The following AP1AR variants were observed in gnomAD, a reference collection of about 807,000 sequenced individuals.
AP1AR encodes AP-1 complex-associated regulatory protein.
Under a neutral mutation model 46.3 loss-of-function variants are expected in AP1AR, and 29 were observed. That is an observed-to-expected ratio of 0.63 (90% CI 0.47 to 0.85). The LOEUF (loss-of-function observed/expected upper bound fraction) is 0.85, where lower values mean the gene tolerates loss of function less well. AP1AR is among the 40% of genes least tolerant of loss of function. AP1AR has a pLI of 0.00. For missense variants in AP1AR, 357 were observed against 356.3 expected, an observed-to-expected ratio of 1.00 and a Z score of -0.02; for synonymous variants, 122 against 122.9, an observed-to-expected ratio of 0.99 and a Z score of 0.05.
rs1726913728 is a variant in AP1AR, at chr4:112,270,719, T to TTCC, written c.*2310_*2311insTCC. 6.6e-6 allele frequency among the ~76,000 whole-genome samples: 1 copy of TTCC among 152,080 alleles called. No individual in the cohort carries two copies. Among genetic ancestry groups the TTCC allele is most frequent in the South Asian group, 2.1e-4 (1 of 4,828 alleles). ...TAAAAAGACCACTGGGAATGAAGCATCATGAGTGAGGGGGAAGAGTGGTAT... is the reference window on the plus strand; with the variant it reads ...TAAAAAGACCACTGGGAATGAAGCATTCCCATGAGTGAGGGGGAAGAGTGGTAT... On this transcript the variant is annotated 3_prime_UTR_variant, in exon 10 of 10. Coordinates refer to ENST00000274000, the MANE Select transcript of AP1AR (RefSeq NM_018569.6).
rs1299309771 is a variant in AP1AR at position 112,272,259 on chromosome 4, CACAAAG to C, written c.*3853_*3858del. ...AGATATGAACAGGGCAGGACAGCGC[CACAAAG>C]ACTGTGAGGGCTGGTGACAGGGAAG... is the stretch of plus-strand genomic sequence containing the variant. On this transcript the variant is annotated 3_prime_UTR_variant, in exon 10 of 10. Transcript: ENST00000274000. Among the ~76,000 whole-genome samples the C allele has an allele frequency of 6.6e-6, 1 of 152,060 alleles. No homozygotes were observed. The highest frequency in any genetic ancestry group is 1.5e-5 in the Non-Finnish European group (1 of 68,028).
intron 6 of AP1AR, among the ~76,000 whole-genome samples, chr4:112,264,551 T>C (rs1726593217): frequency 6.6e-6 from 1 of 152,172 alleles, no homozygotes; most frequent in African/African-American, 2.4e-5. Flanking sequence ...ACAGTTCTTC[T>C]AAATCTTAGC....
intron 1 of AP1AR, among the ~76,000 whole-genome samples, chr4:112,240,533 G>T (rs1725446955): frequency 6.6e-6 from 1 of 152,244 alleles, no homozygotes; most frequent in South Asian, 2.1e-4. Context: ...TCTCAGTTAA[G>T]TGCCTAGTAC....
At chr4:112,263,164 T>G in intron 6 of AP1AR, 78 bp downstream of exon 6, 1 of 1,103,116 alleles carries the variant, frequency 9.1e-7, no homozygotes, top group Non-Finnish European at 1.3e-6. Context: ...TTGGGACTCT[T>G]TTTTTCCTAT....
At chr4:112,237,439 G>A (rs1211480314) in intron 1 of AP1AR, among the ~76,000 whole-genome samples, 11 of 149,954 alleles carry the variant, frequency 7.3e-5, no homozygotes, top group Admixed American at 6.7e-4. Flanking sequence ...TGCCTTTGTG[G>A]GTGATATTTA....
At chr4:112,239,222 T>C (rs1439720621) in intron 1 of AP1AR, among the ~76,000 whole-genome samples, 1 of 152,140 alleles carries the variant, frequency 6.6e-6, no homozygotes, top group African/African-American at 2.4e-5. Context: ...CTCCAACATC[T>C]CCCTCTAGCT....
At position 112,234,662 on chromosome 4, in the gene AP1AR, T is replaced by G. The variant is rs918865518; in HGVS notation, c.83+2488T>G. Among the ~76,000 whole-genome samples, 280 of 151,400 alleles carry G rather than the reference T, an allele frequency of 1.8e-3. 2 individuals are homozygous for G. Among genetic ancestry groups the G allele is most frequent in the Middle Eastern group, 6.8e-3 (2 of 292 alleles). ...TAAGGTTAAACTCTTATTTTAGTTT[T>G]TTTTTTTTTTTATCAGCTGTTTTGA... On this transcript the variant is annotated intron_variant, in intron 1 of 9. Coordinates refer to ENST00000274000, the MANE Select transcript of AP1AR (RefSeq NM_018569.6).
intron 1 of AP1AR, among the ~76,000 whole-genome samples, chr4:112,244,261 G>A (rs1725630931): frequency 6.6e-6 from 1 of 152,076 alleles, no homozygotes; most frequent in Admixed American, 6.6e-5. Context: ...ATCCTAATAG[G>A]AATTTTGTGG....
Position 112,253,231 on chromosome 4 carries a change from C to T in AP1AR, c.107C>T (p.Ser36Leu), listed in dbSNP as rs760231474. 4 of 1,610,292 alleles carry T rather than the reference C, an allele frequency of 2.5e-6. No homozygotes were observed. The highest frequency in any genetic ancestry group is 4.5e-5 in the East Asian group (2 of 44,772). ...GGGSKYFRTC[S>L]RGEHLTIEFE... ...AGATCCAAGTATTTTAGAACATGCTCAAGAGGTGAGCACTTAACAATAGAG... is the reference window on the plus strand; with the variant it reads ...AGATCCAAGTATTTTAGAACATGCTTAAGAGGTGAGCACTTAACAATAGAG... The change falls in exon 2 of 10, where the codon TCA becomes TTA. Residue 36 changes from serine (S) to leucine (L), a missense_variant. Coordinates refer to ENST00000274000, the MANE Select transcript of AP1AR (RefSeq NM_018569.6).
chr4:112,250,127 C>T lies in AP1AR; in HGVS notation c.84-3081C>T, dbSNP rs185973141. 9.2e-5 allele frequency among the ~76,000 whole-genome samples: 14 copies of T among 152,258 alleles called. No homozygotes were observed. The East Asian group carries it at 2.3e-3, about 25-fold the overall frequency. ...CTTCCATTCCTTTCCCCAGTTGTTC[C>T]GCTTACCCTTCACTTACATTCTCAT... On this transcript the variant is annotated intron_variant, in intron 1 of 9. Coordinates refer to ENST00000274000, the MANE Select transcript of AP1AR (RefSeq NM_018569.6).
At chr4:112,249,801 G>A (rs890020964) in intron 1 of AP1AR, among the ~76,000 whole-genome samples, 14 of 152,154 alleles carry the variant, frequency 9.2e-5, no homozygotes, top group African/African-American at 2.9e-4. Context: ...AGATGTTGGC[G>A]AGGATGTGGG....
At chr4:112,242,034 A>T (rs560272962) in intron 1 of AP1AR, among the ~76,000 whole-genome samples, 5 of 152,246 alleles carry the variant, frequency 3.3e-5, no homozygotes, top group Non-Finnish European at 7.3e-5. Flanking sequence ...AGATATAAAG[A>T]GGAATATGAA....
intron 9 of AP1AR, chr4:112,266,967 G>C (rs575301546): frequency 3.1e-6 from 1 of 317,648 alleles, no homozygotes; most frequent in Admixed American, 4.9e-5. Context: ...TGTAATCCAA[G>C]CCCATGACAT....
intron 6 of AP1AR, 43 bp downstream of exon 6, chr4:112,263,129 C>A: frequency 6.8e-7 from 1 of 1,477,130 alleles, no homozygotes; most frequent in East Asian, 2.3e-5. Flanking sequence ...TTGCTTTTCT[C>A]CTTATTTTCT....
Position 112,268,813 on chromosome 4 carries a change from G to A in AP1AR, c.*404G>A, listed in dbSNP as rs1194181801. ...TTTGTTAATTCTCAGCCGATGTGAAGGAAGCATGAGGAGGGATCGTCAGAT... is the reference window on the plus strand; with the variant it reads ...TTTGTTAATTCTCAGCCGATGTGAAAGAAGCATGAGGAGGGATCGTCAGAT... On this transcript the variant is annotated 3_prime_UTR_variant, in exon 10 of 10. Transcript: ENST00000274000. 6.5e-6 allele frequency: 1 copy of A among 153,572 alleles called. No homozygotes were observed. Among genetic ancestry groups the A allele is most frequent in the Non-Finnish European group, 1.4e-5 (1 of 69,078 alleles). 9.5% of individuals were successfully genotyped at this position (153,572 alleles called of 1,614,324 possible).
In AP1AR at chr4:112,232,075, C is replaced by T. The variant is rs1474252863; in HGVS notation, c.-17C>T. On this transcript the variant is annotated 5_prime_UTR_variant, in exon 1 of 10. Coordinates refer to ENST00000274000, the MANE Select transcript of AP1AR (RefSeq NM_018569.6). ...GCGGGAGGAGGAGGAGGAGCGGCGG[C>T]GCCTGGGCGGCATGCGATGGGGAAC... The T allele has an allele frequency of 1.0e-5, 14 of 1,347,526 alleles. 1 individual carries two copies. The African/African-American group carries it at 1.5e-4, about 15-fold the overall frequency. The allele number at this position is 1,347,526 out of a possible 1,614,324, so 83.5% of individuals were successfully genotyped here. A position where few individuals can be genotyped will look rare whatever the true frequency, so the allele number is the denominator to read the frequency against.
intron 1 of AP1AR, among the ~76,000 whole-genome samples, chr4:112,234,812 C>T (rs949596791): frequency 2.0e-5 from 3 of 152,016 alleles, no homozygotes; most frequent in African/African-American, 7.3e-5. Context: ...AAGAGGGTGT[C>T]CTCAACTTTT....
At chr4:112,254,907 T>A (rs1171778621) in intron 3 of AP1AR, 134 bp downstream of exon 3, 4 of 450,710 alleles carry the variant, frequency 8.9e-6, no homozygotes, top group African/African-American at 8.2e-5. Flanking sequence ...TATTTTTACT[T>A]TTTAGTTCTT....
chr4:112,247,346 A>G (rs575227449), intron 1 of AP1AR, among the ~76,000 whole-genome samples: 1 of 152,354 alleles, frequency 6.6e-6, no homozygotes, highest in East Asian at 1.9e-4. Context: ...AAGTAGCTCC[A>G]GGGTTAAATA....
Sources: gnomAD v4.1 joint callset for allele counts (sites outside exome capture counted in the v4.1 genomes callset) on GRCh38, gnomAD v4.1.1 for gene constraint, MANE v1.5 for transcripts, NCBI Gene and HGNC (gene_info 2026-07-23, HGNC 2026-07-21) for gene names.